Variants in NWD2 observed in about 807,000 individuals in gnomAD.
NWD2 encodes NACHT and WD repeat domain-containing protein 2.
NWD2 carries 37 observed loss-of-function variants against 132.7 expected under a neutral mutation model. That is an observed-to-expected ratio of 0.28 (90% CI 0.21 to 0.37). The LOEUF is 0.37. Among genes scored for constraint, NWD2 ranks in the 10% least tolerant of loss-of-function variants. NWD2 has a pLI of 1.00. For missense variants in NWD2, 1,592 were observed against 2,122.4 expected, an observed-to-expected ratio of 0.75 and a Z score of 4.91; for synonymous variants, 705 against 803.0, an observed-to-expected ratio of 0.88 and a Z score of 2.06.
chr4:37,275,761 A>G (rs1020781964), intron 1 of NWD2, among the ~76,000 whole-genome samples: 7 of 152,158 alleles, frequency 4.6e-5, no homozygotes, highest in Non-Finnish European at 1.0e-4. Flanking sequence ...ATATAGACCA[A>G]TGGAACAGAA....
intron 1 of NWD2, among the ~76,000 whole-genome samples, chr4:37,315,744 G>C (rs564025120): frequency 6.6e-6 from 1 of 151,806 alleles, no homozygotes; most frequent in Non-Finnish European, 1.5e-5. Flanking sequence ...CATATCTCAC[G>C]TTGGTTTTCT....
Position 37,445,895 on chromosome 4 carries a change from A to G in NWD2, c.3907A>G (p.Ile1303Val). The G allele has an allele frequency of 1.9e-6, 3 of 1,551,916 alleles. No individual in the cohort carries two copies. Among genetic ancestry groups the G allele is most frequent in the South Asian group, 2.4e-5 (2 of 84,062 alleles). Residue 1303 changes from isoleucine (I) to valine (V), a missense_variant, in exon 7 of 7, where the codon ATA (isoleucine) becomes GTA (valine). Transcript: ENST00000309447. This position sits in a 1 kb window ranked among gnomAD's most constrained non-coding sequence, Gnocchi z 4.7. Reference protein sequence around the residue: ...STSGVLSIWDIDIITAMSNID... With the variant: ...STSGVLSIWDVDIITAMSNID... ...CAGTGGTGTTCTTTCCATTTGGGAC[A>G]TAGATATAATCACAGCTATGTCCAA...
chr4:37,424,348 C>G (rs1337470050), intron 3 of NWD2, among the ~76,000 whole-genome samples: 1 of 152,060 alleles, frequency 6.6e-6, no homozygotes, highest in Non-Finnish European at 1.5e-5. Context: ...AATTTAAAGC[C>G]CCATATTCAG....
At chr4:37,356,067 A>C (rs1719865352) in intron 2 of NWD2, among the ~76,000 whole-genome samples, 1 of 152,154 alleles carries the variant, frequency 6.6e-6, no homozygotes, top group Non-Finnish European at 1.5e-5. Flanking sequence ...TCAAACCTTA[A>C]AATTCTGTTT....
At chr4:37,267,580 G>A (rs1288064448) in intron 1 of NWD2, among the ~76,000 whole-genome samples, 1 of 151,888 alleles carries the variant, frequency 6.6e-6, no homozygotes, top group African/African-American at 2.4e-5. Flanking sequence ...CCTCACCCAC[G>A]GATGCATCTA....
At chr4:37,269,321 C>A (rs1309646773) in intron 1 of NWD2, among the ~76,000 whole-genome samples, 1 of 151,784 alleles carries the variant, frequency 6.6e-6, no homozygotes, top group Non-Finnish European at 1.5e-5. Context: ...GGGAGCAATG[C>A]AAAACTGATG....
intron 1 of NWD2, among the ~76,000 whole-genome samples, chr4:37,287,897 C>T (rs1216363395): frequency 6.6e-6 from 1 of 152,184 alleles, no homozygotes; most frequent in Non-Finnish European, 1.5e-5. Context: ...ATAGCAAAGT[C>T]ATGGAACCAA....
At chr4:37,266,318 ACAGCTATGAT>A (rs2109261221) in intron 1 of NWD2, among the ~76,000 whole-genome samples, 1 of 152,200 alleles carries the variant, frequency 6.6e-6, no homozygotes. Context: ...GGCCTTTGAA[ACAGCTATGAT>A]CAGGAACTTG....
At chr4:37,381,347 C>T (rs548349453) in intron 3 of NWD2, among the ~76,000 whole-genome samples, 20 of 152,216 alleles carry the variant, frequency 1.3e-4, no homozygotes, top group Non-Finnish European at 2.6e-4. Flanking sequence ...TGGAGCTCCT[C>T]CAAATAGAAA....
chr4:37,250,988 C>T (rs1330934909), intron 1 of NWD2, among the ~76,000 whole-genome samples: 1 of 152,200 alleles, frequency 6.6e-6, no homozygotes, highest in African/African-American at 2.4e-5. Context: ...AGTAAAGGTA[C>T]CGTTGGCTGG....
chr4:37,410,665 C>T (rs573892384), intron 3 of NWD2, among the ~76,000 whole-genome samples: 1 of 152,270 alleles, frequency 6.6e-6, no homozygotes, highest in African/African-American at 2.4e-5. Context: ...ATCTACTGAA[C>T]TCTCCACCCC....
At chr4:37,280,874 A>G (rs999150954) in intron 1 of NWD2, among the ~76,000 whole-genome samples, 5 of 152,142 alleles carry the variant, frequency 3.3e-5, no homozygotes, top group Admixed American at 1.3e-4. Flanking sequence ...ACAGGTTAAG[A>G]CCCTGGGGAA....
chr4:37,275,186 G>A (rs897718716), intron 1 of NWD2, among the ~76,000 whole-genome samples: 1 of 152,152 alleles, frequency 6.6e-6, no homozygotes, highest in Non-Finnish European at 1.5e-5. Flanking sequence ...AAACCCCATC[G>A]TCTTAGCCCA....
chr4:37,292,149 G>A (rs772065677), intron 1 of NWD2, among the ~76,000 whole-genome samples: 2 of 152,074 alleles, frequency 1.3e-5, no homozygotes, highest in Non-Finnish European at 2.9e-5. Context: ...ATTCCCTTAG[G>A]CGATCCGTTG....
At chr4:37,403,740 T>C (rs1720943233) in intron 3 of NWD2, among the ~76,000 whole-genome samples, 1 of 152,246 alleles carries the variant, frequency 6.6e-6, no homozygotes. Flanking sequence ...TTCACATTTG[T>C]GAAACATTTC....
intron 3 of NWD2, among the ~76,000 whole-genome samples, chr4:37,415,990 G>A (rs1711583096): frequency 6.6e-6 from 1 of 152,246 alleles, no homozygotes. Flanking sequence ...CAGTGGATCA[G>A]CAGGATGTAT....
intron 3 of NWD2, among the ~76,000 whole-genome samples, chr4:37,382,257 T>G (rs1720468431): frequency 6.6e-6 from 1 of 152,222 alleles, no homozygotes. Flanking sequence ...AGTCCCGGTT[T>G]CCACCTTGCC....
chr4:37,381,658 G>A (rs1720457022), intron 3 of NWD2, among the ~76,000 whole-genome samples: 1 of 152,164 alleles, frequency 6.6e-6, no homozygotes, highest in Non-Finnish European at 1.5e-5. Flanking sequence ...TGCATCTAAA[G>A]TCAATCTGTA....
intron 3 of NWD2, among the ~76,000 whole-genome samples, chr4:37,387,493 A>G (rs1236855127): frequency 6.6e-6 from 1 of 151,524 alleles, no homozygotes; most frequent in East Asian, 1.9e-4. Context: ...AACTCCATCA[A>G]CATATCATGT....
Sources: allele counts gnomAD v4.1 joint callset (sites outside exome capture counted in the v4.1 genomes callset), GRCh38; gene constraint gnomAD v4.1.1; non-coding constraint Gnocchi (gnomAD v3.1); transcripts MANE v1.5; gene names NCBI Gene and HGNC (gene_info 2026-07-23, HGNC 2026-07-21).